OCA2: variants seen among roughly 807,000 people sequenced by gnomAD.
OCA2 encodes the protein OCA2 melanosomal transmembrane protein.
Under a neutral mutation model 100.2 loss-of-function variants are expected in OCA2, and 77 were observed. The ratio of observed to expected loss-of-function variants is 0.77; its 90% CI spans 0.64 to 0.93. The LOEUF is 0.93. OCA2 is among the 40% of genes least tolerant of loss of function. The pLI, the probability that OCA2 is intolerant of heterozygous loss-of-function variation, is 0.00. For synonymous variants in OCA2, 432 were observed against 439.2 expected, an observed-to-expected ratio of 0.98 and a Z score of 0.21; for missense variants, 1,062 against 1,089.1, an observed-to-expected ratio of 0.98 and a Z score of 0.35.
intron 23 of OCA2, among the ~76,000 whole-genome samples, chr15:27,824,428 A>G (rs1318519299): frequency 6.6e-6 from 1 of 151,808 alleles, no homozygotes; most frequent in Non-Finnish European, 1.5e-5. Context: ...GACATGATGC[A>G]CAAAATAAGA....
chr15:27,920,802 T>C (rs2038829272), intron 19 of OCA2, among the ~76,000 whole-genome samples: 1 of 151,830 alleles, frequency 6.6e-6, no homozygotes, highest in African/African-American at 2.4e-5. Flanking sequence ...AATATAATAT[T>C]TGAGATGACA....
At chr15:28,020,027 TC>T (rs1029718521) in intron 6 of OCA2, among the ~76,000 whole-genome samples, 2 of 151,962 alleles carry the variant, frequency 1.3e-5, no homozygotes, top group African/African-American at 4.8e-5. Context: ...GCACCCGTCT[TC>T]CCCCCTGCGG....
At chr15:27,849,880 T>C (rs1478991779) in intron 22 of OCA2, among the ~76,000 whole-genome samples, 1 of 152,152 alleles carries the variant, frequency 6.6e-6, no homozygotes, top group Non-Finnish European at 1.5e-5. Context: ...AGAAAGGGCC[T>C]TGAGAGAATA....
chr15:27,825,234 C>T (rs1453216758), intron 23 of OCA2, among the ~76,000 whole-genome samples: 13 of 152,140 alleles, frequency 8.5e-5, no homozygotes, highest in African/African-American at 2.7e-4. Context: ...CCTGCCCTCC[C>T]GCCCCAGAGC....
At chr15:27,729,466 AT>A in the OCA2 span, among the ~76,000 whole-genome samples, 3 of 152,104 alleles carry the variant, frequency 2.0e-5, no homozygotes, top group African/African-American at 7.2e-5. Flanking sequence ...TTAGCCTTCT[AT>A]TGTTACTATA....
At chr15:27,997,270 A>T (rs1241597075) in intron 9 of OCA2, among the ~76,000 whole-genome samples, 1 of 151,714 alleles carries the variant, frequency 6.6e-6, no homozygotes, top group Non-Finnish European at 1.5e-5. Flanking sequence ...AGGGAAAATT[A>T]ATTAATTTCA....
intron 21 of OCA2, among the ~76,000 whole-genome samples, chr15:27,862,148 G>A (rs933588749): frequency 6.6e-6 from 1 of 152,174 alleles, no homozygotes; most frequent in South Asian, 2.1e-4. Context: ...AGTCCTCATG[G>A]ACAGAAAGCG....
intron 18 of OCA2, among the ~76,000 whole-genome samples, chr15:27,949,708 A>C (rs908182197): frequency 6.6e-6 from 1 of 152,190 alleles, no homozygotes; most frequent in Non-Finnish European, 1.5e-5. Flanking sequence ...AATTAAAAAG[A>C]AAACAGAACT....
chr15:27,791,486 G>T (rs2151129217), intron 23 of OCA2, among the ~76,000 whole-genome samples: 2 of 152,334 alleles, frequency 1.3e-5, no homozygotes, highest in South Asian at 2.1e-4. Context: ...GTGGTGGCCA[G>T]TGGTTGCTCG....
intron 22 of OCA2, among the ~76,000 whole-genome samples, chr15:27,847,573 C>T (rs573264420): frequency 6.6e-4 from 101 of 152,194 alleles, no homozygotes; most frequent in African/African-American, 2.1e-3. Flanking sequence ...GAGGAGCCTC[C>T]GGAAAGGAGG....
intron 1 of OCA2, among the ~76,000 whole-genome samples, chr15:28,090,599 T>G (rs914625320): frequency 1.3e-5 from 2 of 152,098 alleles, no homozygotes; most frequent in African/African-American, 4.8e-5. Flanking sequence ...AATCCAGGAT[T>G]CAAAAAGAAA....
rs56223349 is a variant in OCA2 at position 27,829,279 on chromosome 15, TGATAGATAGATAGATA to T, written c.2432+15664_2432+15679del. ...ATAGAGACAAGAGATAGAAGATAGA[TGATAGATAGATAGATA>T]GATAGATAGATAGATAGATAGAGTG... is the stretch of plus-strand genomic sequence containing the variant. On this transcript the variant is annotated intron_variant, in intron 23 of 23. Transcript: ENST00000354638. 1.1e-3 allele frequency among the ~76,000 whole-genome samples: 123 copies of T among 107,614 alleles called. 1 individual carries two copies. The highest frequency in any genetic ancestry group is 4.2e-3 in the East Asian group (17 of 4,074). 70.6% of individuals were successfully genotyped at this position (107,614 alleles called of 152,430 possible).
At chr15:27,887,617 CT>C (rs34199755) in intron 19 of OCA2, among the ~76,000 whole-genome samples, 1,697 of 120,224 alleles carry the variant, frequency 0.014, 25 homozygotes, top group African/African-American at 0.05. Flanking sequence ...CACTAAACCT[CT>C]TTTTTTTTTT....
At chr15:27,742,874 G>C in the OCA2 span, among the ~76,000 whole-genome samples, 1 of 152,214 alleles carries the variant, frequency 6.6e-6, no homozygotes, top group Non-Finnish European at 1.5e-5. Flanking sequence ...GGAAGCGGGA[G>C]AAAATGATGA....
intron 2 of OCA2, among the ~76,000 whole-genome samples, chr15:28,080,505 C>A (rs916559498): frequency 1.3e-5 from 2 of 152,252 alleles, no homozygotes; most frequent in African/African-American, 4.8e-5. Context: ...AAGAGAGCAA[C>A]TCAAAGTTTC....
At chr15:28,046,231 GCTCA>G (rs2043343297) in intron 2 of OCA2, among the ~76,000 whole-genome samples, 1 of 152,180 alleles carries the variant, frequency 6.6e-6, no homozygotes, top group Admixed American at 6.5e-5. Flanking sequence ...GAAATGGGTG[GCTCA>G]CTAAGTCAGA....
At chr15:28,053,943 C>G (rs1010303572) in intron 2 of OCA2, among the ~76,000 whole-genome samples, 1 of 152,176 alleles carries the variant, frequency 6.6e-6, no homozygotes. Context: ...TGGCTCACCC[C>G]CTTCTAAACT....
intron 2 of OCA2, among the ~76,000 whole-genome samples, chr15:28,052,045 C>T (rs992493563): frequency 2.0e-5 from 3 of 152,086 alleles, no homozygotes; most frequent in Non-Finnish European, 4.4e-5. Context: ...GATCAGTGAC[C>T]CCCCTCAGGA....
rs1167230575 is a variant in OCA2, at chr15:27,913,902, AGC to A, written c.2079+12223_2079+12224del. On this transcript the variant is annotated intron_variant, in intron 19 of 23. Coordinates refer to ENST00000354638, the MANE Select transcript of OCA2 (RefSeq NM_000275.3). ...AAGAAAGAAAGAAAGAAAGCAAGCA[AGC>A]AAGCAAGCAAGCAAGCAAGCAAGCA... Among the ~76,000 whole-genome samples the A allele has an allele frequency of 6.2e-3, 352 of 56,522 alleles. 22 individuals carry two copies. Among genetic ancestry groups the A allele is most frequent in the African/African-American group, 0.024 (257 of 10,564 alleles). The allele number at this position is 56,522 out of a possible 152,430, so 37.1% of individuals were successfully genotyped here. A position where few individuals can be genotyped will look rare whatever the true frequency, so the allele number is the denominator to read the frequency against.
Sources: allele counts gnomAD v4.1 joint callset (sites outside exome capture counted in the v4.1 genomes callset), GRCh38; gene constraint gnomAD v4.1.1; transcripts MANE v1.5; gene names NCBI Gene and HGNC (gene_info 2026-07-23, HGNC 2026-07-21).